Variants in DCXR observed in about 807,000 individuals in gnomAD.
The protein encoded by DCXR is L-xylulose reductase.
DCXR carries 24 observed loss-of-function variants against 25.9 expected under a neutral mutation model. That is an observed-to-expected ratio of 0.93 (90% CI 0.67 to 1.30). DCXR has a LOEUF of 1.30. DCXR is among the 50% of genes most tolerant of loss of function. The pLI is 0.00. For missense variants in DCXR, 348 were observed against 333.7 expected (o/e 1.04, Z -0.33); for synonymous variants, 161 against 141.7 (o/e 1.14, Z -0.97).
In DCXR at chr17:82,035,926, G is replaced by A. The variant is rs565838532; in HGVS notation, c.*34C>T. On this transcript the variant is annotated 3_prime_UTR_variant, in exon 8 of 8. Transcript: ENST00000306869. Reference sequence around the variant, plus strand: ...ATTGGAGGGATTGGGGGTAGGATGAGCACGGCATGGGGCTTGAGGTGTGTG... The same window carrying A: ...ATTGGAGGGATTGGGGGTAGGATGAACACGGCATGGGGCTTGAGGTGTGTG... The A allele has an allele frequency of 5.6e-5, 87 of 1,562,540 alleles. No homozygotes were observed. In the South Asian group the frequency reaches 9.2e-4, roughly 16 times the overall value.
chr17:82,036,628 AGCCCCTG>A lies in DCXR; in HGVS notation c.357_363del (p.Arg120Ter), dbSNP rs2043494652. 1 of 1,613,250 alleles carries A rather than the reference AGCCCCTG, an allele frequency of 6.2e-7. No homozygotes were observed. The highest frequency in any genetic ancestry group is 2.2e-5 in the East Asian group (1 of 44,874). On this transcript the variant is annotated frameshift_variant, in exon 5 of 8. Transcript: ENST00000306869. LOFTEE classifies it high-confidence loss of function. ...GCCCCTGGGACTCCCCGGGCTATTA[AGCCCCTG>A]GCCACAATCTGGAATCGCAGCGAGA...
chr17:82,036,286 GGGTT>G lies in DCXR; in HGVS notation c.532_535del (p.Asn178ProfsTer4). 1 of 1,565,508 alleles carries G rather than the reference GGGTT, an allele frequency of 6.4e-7. No homozygotes were observed. The highest frequency in any genetic ancestry group is 1.5e-5 in the African/African-American group (1 of 65,998). Reference sequence around the variant, plus strand: ...GCCCATGGACGTCATCACCACTGTGGGGTTTACTGCATTCACTCGGATCTACACC... The same window carrying G: ...GCCCATGGACGTCATCACCACTGTGGTACTGCATTCACTCGGATCTACACC... On this transcript the variant is annotated frameshift_variant, in exon 7 of 8. Coordinates refer to ENST00000306869, the MANE Select transcript of DCXR (RefSeq NM_016286.4). LOFTEE classifies it high-confidence loss of function.
intron 2 of DCXR, 182 bp downstream of exon 2, chr17:82,037,268 C>T: frequency 2.2e-6 from 2 of 901,626 alleles, no homozygotes; most frequent in East Asian, 2.7e-5. Flanking sequence ...GCGGCTCTGC[C>T]GACCACCCGG....
In DCXR at chr17:82,037,441, G is replaced by A. The variant is rs1006203899; in HGVS notation, c.150+9C>T. On this transcript the variant is annotated intron_variant, in intron 2 of 7. Coordinates refer to ENST00000306869, the MANE Select transcript of DCXR (RefSeq NM_016286.4). ...CCGCCTCGCAGCGCTGGGACCCGGC[G>A]GGACCTACCTCGCGGACAAGGCTGT... 2.6e-6 allele frequency: 4 copies of A among 1,525,148 alleles called. No homozygotes were observed. The highest frequency in any genetic ancestry group is 1.4e-5 in the African/African-American group (1 of 70,328). The allele number at this position is 1,525,148 out of a possible 1,614,324, so 94.5% of individuals were successfully genotyped here.
In DCXR at chr17:82,036,267, G is replaced by A. The variant is rs752725619; in HGVS notation, c.555C>T (p.Ser185=). 10 of 1,613,722 alleles carry A rather than the reference G, an allele frequency of 6.2e-6. 1 individual carries two copies. The Admixed American group carries it at 1.2e-4, about 19-fold the overall frequency. The change falls in exon 7 of 8, where the codon TCC becomes TCT. Residue 185 remains serine, a synonymous_variant. Coordinates refer to ENST00000306869, the MANE Select transcript of DCXR (RefSeq NM_016286.4). ...GGTCACTCCAGGTGGCCTGGCCCATGGACGTCATCACCACTGTGGGGTTTA... is the reference window on the plus strand; with the variant it reads ...GGTCACTCCAGGTGGCCTGGCCCATAGACGTCATCACCACTGTGGGGTTTA... ...NAVNPTVVMT[S]MGQATWSDPH...
intron 6 of DCXR, 38 bp from the exon 7 acceptor site, chr17:82,036,346 G>A (rs759273434): frequency 1.9e-6 from 3 of 1,613,208 alleles, no homozygotes; most frequent in South Asian, 2.2e-5. Context: ...GGCAAGTGGG[G>A]TGTCCTAGGT....
At position 82,037,627 on chromosome 17, in the gene DCXR, C is replaced by A; in HGVS notation, c.52+4G>T. On this transcript the variant is annotated splice_donor_region_variant and intron_variant, in intron 1 of 7. Transcript: ENST00000306869. ...GCCTTTGCCCACCTTTCCCCGCCGC[C>A]CACCTTTGCCTGCCCCGGTGACCAG... 1 of 1,582,424 alleles carries A rather than the reference C, an allele frequency of 6.3e-7. No homozygotes were observed. The highest frequency in any genetic ancestry group is 1.7e-5 in the Admixed American group (1 of 58,036).
rs1440318651 is a variant in DCXR, at chr17:82,036,843, G to C, written c.305+16C>G. The C allele has an allele frequency of 5.0e-6, 8 of 1,613,262 alleles. No individual in the cohort carries two copies. The highest frequency in any genetic ancestry group is 5.9e-6 in the Non-Finnish European group (7 of 1,179,976). On this transcript the variant is annotated intron_variant, in intron 3 of 7. Coordinates refer to ENST00000306869, the MANE Select transcript of DCXR (RefSeq NM_016286.4). ...GACAGCCCCTCCCTGAGGTTCCTCC[G>C]CCCTCACAGGCTCACCTGTCAAAGG... is the stretch of plus-strand genomic sequence containing the variant.
At position 82,036,867 on chromosome 17, in the gene DCXR, G is replaced by A; in HGVS notation, c.297C>T (p.Ala99=). 1 of 1,613,278 alleles carries A rather than the reference G, an allele frequency of 6.2e-7. No homozygotes were observed. The highest frequency in any genetic ancestry group is 8.5e-7 in the Non-Finnish European group (1 of 1,179,962). Residue 99 remains alanine, a synonymous_variant, in exon 3 of 8, where the codon GCC becomes GCT. Transcript: ENST00000306869. The part of the protein sequence containing the change: ...LQPFLEVTKE[A]FDRSFEVNLR... Reference sequence around the variant, plus strand: ...CGCCCTCACAGGCTCACCTGTCAAAGGCCTCCTTGGTGACCTCCAGGAAGG... The same window carrying A: ...CGCCCTCACAGGCTCACCTGTCAAAAGCCTCCTTGGTGACCTCCAGGAAGG...
In DCXR at chr17:82,037,626, C is replaced by T; in HGVS notation, c.52+5G>A. On this transcript the variant is annotated splice_donor_5th_base_variant and intron_variant, in intron 1 of 7. Coordinates refer to ENST00000306869, the MANE Select transcript of DCXR (RefSeq NM_016286.4). ...GGCCTTTGCCCACCTTTCCCCGCCGCCCACCTTTGCCTGCCCCGGTGACCA... is the reference window on the plus strand; with the variant it reads ...GGCCTTTGCCCACCTTTCCCCGCCGTCCACCTTTGCCTGCCCCGGTGACCA... 6.3e-7 allele frequency: 1 copy of T among 1,581,654 alleles called. No homozygotes were observed. Among genetic ancestry groups the T allele is most frequent in the Non-Finnish European group, 8.5e-7 (1 of 1,171,578 alleles).
Position 82,036,471 on chromosome 17 carries a change from G to A in DCXR, c.449-23C>T, listed in dbSNP as rs202081300. 239 of 1,613,272 alleles carry A rather than the reference G, an allele frequency of 1.5e-4. 1 individual carries two copies. Among genetic ancestry groups the A allele is most frequent in the Non-Finnish European group, 3.8e-5 (45 of 1,179,920 alleles). ...AGCCTACGAAGAGGAACCCAAGCTG[G>A]CTGGGGCTGGGGTCGGTGATGAGGG... On this transcript the variant is annotated intron_variant, in intron 5 of 7. Transcript: ENST00000306869.
chr17:82,035,919 AG>A lies in DCXR; in HGVS notation c.*40del, dbSNP rs1568021195. 3.3e-6 allele frequency: 5 copies of A among 1,529,958 alleles called. No homozygotes were observed. The highest frequency in any genetic ancestry group is 4.5e-6 in the Non-Finnish European group (5 of 1,107,046). The allele number at this position is 1,529,958 out of a possible 1,614,324, so 94.8% of individuals were successfully genotyped here. A position where few individuals can be genotyped will look rare whatever the true frequency, so the allele number is the denominator to read the frequency against. On this transcript the variant is annotated 3_prime_UTR_variant, in exon 8 of 8. Coordinates refer to ENST00000306869, the MANE Select transcript of DCXR (RefSeq NM_016286.4). Reference sequence around the variant, plus strand: ...CAGGTTTATTGGAGGGATTGGGGGTAGGATGAGCACGGCATGGGGCTTGAGG... The same window carrying A: ...CAGGTTTATTGGAGGGATTGGGGGTAGATGAGCACGGCATGGGGCTTGAGG...
rs563522623 is a variant in DCXR, at chr17:82,037,578, C to G, written c.53-31G>C. 5.8e-5 allele frequency: 89 copies of G among 1,547,206 alleles called. 1 individual carries two copies. The South Asian group carries it at 1.0e-3, about 18-fold the overall frequency. ...GGGAGCGGGCTCAGTGAAGGCGTCC[C>G]CTGCCCGCCTCTGCCCGCCGCCGGC... On this transcript the variant is annotated intron_variant, in intron 1 of 7. Coordinates refer to ENST00000306869, the MANE Select transcript of DCXR (RefSeq NM_016286.4).
intron 1 of DCXR, 34 bp downstream of exon 1, chr17:82,037,597 C>G: frequency 6.4e-7 from 1 of 1,556,068 alleles, no homozygotes; most frequent in East Asian, 2.4e-5. Flanking sequence ...CTCTGCCCGC[C>G]GCCGGCCTTT....
chr17:82,037,045 T>A, intron 2 of DCXR, 32 bp from the exon 3 acceptor site: 1 of 1,549,226 alleles, frequency 6.5e-7, no homozygotes, highest in Non-Finnish European at 8.7e-7. Flanking sequence ...TACCAGAGGC[T>A]CTGTGCCCAG....
In DCXR at chr17:82,037,462, G is replaced by A; in HGVS notation, c.138C>T (p.Ser46=). The change falls in exon 2 of 8, where the codon AGC becomes AGT. Residue 46 remains serine, a synonymous_variant. Coordinates refer to ENST00000306869, the MANE Select transcript of DCXR (RefSeq NM_016286.4). ...AVSRTQADLD[S]LVRECPGIEP... is the part of the protein sequence containing the mutation. Reference sequence around the variant, plus strand: ...CGGCGGGACCTACCTCGCGGACAAGGCTGTCAAGATCCGCCTGAGTCCGGC... The same window carrying A: ...CGGCGGGACCTACCTCGCGGACAAGACTGTCAAGATCCGCCTGAGTCCGGC... The A allele has an allele frequency of 6.5e-7, 1 of 1,530,372 alleles. No individual in the cohort carries two copies. The highest frequency in any genetic ancestry group is 1.2e-5 in the South Asian group (1 of 83,430). The allele number at this position is 1,530,372 out of a possible 1,614,324, so 94.8% of individuals were successfully genotyped here.
At position 82,036,881 on chromosome 17, in the gene DCXR, C is replaced by A. The variant is rs1323726664; in HGVS notation, c.283G>T (p.Val95Phe). The A allele has an allele frequency of 8.1e-6, 13 of 1,613,204 alleles. No individual in the cohort carries two copies. The highest frequency in any genetic ancestry group is 1.1e-5 in the Non-Finnish European group (13 of 1,179,978). ...AVALLQPFLEVTKEAFDRSFE... is the reference protein window; with the variant it reads ...AVALLQPFLEFTKEAFDRSFE... ...CACCTGTCAAAGGCCTCCTTGGTGA[C>A]CTCCAGGAAGGGCTGCAGCAGGGCG... is the stretch of plus-strand genomic sequence containing the variant. The change falls in exon 3 of 8, where the codon GTC (valine) becomes TTC (phenylalanine). Residue 95 changes from valine to phenylalanine, a missense_variant. Transcript: ENST00000306869.
At chr17:82,037,275 C>G in intron 2 of DCXR, 175 bp downstream of exon 2, 1 of 924,406 alleles carries the variant, frequency 1.1e-6, no homozygotes, top group Non-Finnish European at 1.6e-6. Flanking sequence ...TGCCGACCAC[C>G]CGGCCGCCCA....
rs1487666622 is a variant in DCXR, at chr17:82,037,687, G to A, written c.-5C>T. 6.3e-7 allele frequency: 1 copy of A among 1,589,024 alleles called. No individual in the cohort carries two copies. Among genetic ancestry groups the A allele is most frequent in the Non-Finnish European group, 8.5e-7 (1 of 1,175,500 alleles). On this transcript the variant is annotated 5_prime_UTR_variant, in exon 1 of 8. Coordinates refer to ENST00000306869, the MANE Select transcript of DCXR (RefSeq NM_016286.4). The stretch of plus-strand genomic sequence containing the variant: ...GCCCGCGAGGAACAGCTCCATGTCG[G>A]CGCAGTCTCCGCCCTCCGCACTGGG...
Sources: allele counts gnomAD v4.1 joint callset, GRCh38; gene constraint gnomAD v4.1.1; transcripts MANE v1.5; gene names NCBI Gene and HGNC (gene_info 2026-07-23, HGNC 2026-07-21).